The following EYA2 variants were observed in gnomAD, a reference collection of about 807,000 sequenced individuals.
EYA2 encodes protein phosphatase EYA2.
Under a neutral mutation model 69.2 loss-of-function variants are expected in EYA2, and 31 were observed. That is an observed-to-expected ratio of 0.45 (90% CI 0.34 to 0.60). The LOEUF is 0.60. EYA2 is among the 20% of genes least tolerant of loss of function. EYA2 has a pLI of 0.02. For synonymous variants in EYA2, 257 were observed against 279.4 expected, an observed-to-expected ratio of 0.92 and a Z score of 0.80; for missense variants, 622 against 701.2, an observed-to-expected ratio of 0.89 and a Z score of 1.28.
intron 9 of EYA2, among the ~76,000 whole-genome samples, chr20:47,113,219 C>T (rs2032799738): frequency 6.6e-6 from 1 of 152,112 alleles, no homozygotes; most frequent in Non-Finnish European, 1.5e-5. Flanking sequence ...CTAACTTAAC[C>T]ACAAGGAAAT....
intron 1 of EYA2, among the ~76,000 whole-genome samples, chr20:46,937,781 C>A (rs1256181243): frequency 2.0e-5 from 3 of 151,434 alleles, no homozygotes; most frequent in Non-Finnish European, 4.4e-5. Context: ...CTTTTCAAAA[C>A]CAAGAGAAGC....
In EYA2 at chr20:47,038,620, C is replaced by G. The variant is rs77929636; in HGVS notation, c.415+22323C>G. The stretch of plus-strand genomic sequence containing the variant: ...TGTGCACGCACACATACACAATGTT[C>G]ATTGTGATATAAAATTTACCATCTT... On this transcript the variant is annotated intron_variant, in intron 5 of 15. Coordinates refer to ENST00000327619, the MANE Select transcript of EYA2 (RefSeq NM_005244.5). 9.4e-4 allele frequency among the ~76,000 whole-genome samples: 143 copies of G among 152,266 alleles called. 1 individual carries two copies. In the East Asian group the frequency reaches 0.026, roughly 28 times the overall value.
Position 47,001,689 on chromosome 20 carries a change from C to T in EYA2, c.155+216C>T, listed in dbSNP as rs978544088. ...GGGACAGTCATGCTGCCTGCCCCCACGAAACCAGCAAAAGCAGGTAAAACA... is the reference window on the plus strand; with the variant it reads ...GGGACAGTCATGCTGCCTGCCCCCATGAAACCAGCAAAAGCAGGTAAAACA... On this transcript the variant is annotated intron_variant, in intron 3 of 15. Transcript: ENST00000327619. Among the ~76,000 whole-genome samples, 13 of 152,136 alleles carry T rather than the reference C, an allele frequency of 8.5e-5. No individual in the cohort carries two copies. In the East Asian group the frequency reaches 1.5e-3, roughly 18 times the overall value.
intron 14 of EYA2, among the ~76,000 whole-genome samples, chr20:47,182,952 A>G (rs997250072): frequency 6.6e-6 from 1 of 152,174 alleles, no homozygotes; most frequent in Non-Finnish European, 1.5e-5. Flanking sequence ...AAAAGTGTCC[A>G]GCGCAGTGGC....
rs538701666 is a variant in EYA2 at position 47,180,951 on chromosome 20, C to T, written c.1435+15C>T. The T allele has an allele frequency of 1.1e-5, 18 of 1,612,582 alleles. No homozygotes were observed. In the African/African-American group the frequency reaches 1.9e-4, roughly 17 times the overall value. ...AACCAAGACAGGTAGGGAGAAGCCACACCTCGGCGGGGATACAGGGTTGGA... is the reference window on the plus strand; with the variant it reads ...AACCAAGACAGGTAGGGAGAAGCCATACCTCGGCGGGGATACAGGGTTGGA... On this transcript the variant is annotated intron_variant, in intron 14 of 15. Transcript: ENST00000327619.
At chr20:47,102,929 C>A (rs6018275) in intron 9 of EYA2, among the ~76,000 whole-genome samples, 144 of 152,266 alleles carry the variant, frequency 9.5e-4, no homozygotes, top group African/African-American at 3.2e-3. Context: ...TGGTCAAGAG[C>A]CTTTGCCTGT....
intron 5 of EYA2, among the ~76,000 whole-genome samples, chr20:47,016,789 C>T (rs1479755634): frequency 1.3e-5 from 2 of 152,152 alleles, no homozygotes; most frequent in African/African-American, 4.8e-5. Flanking sequence ...GAGCTGAGAC[C>T]AGTGAGACTG....
At chr20:47,160,599 A>G (rs1047818769) in intron 10 of EYA2, among the ~76,000 whole-genome samples, 3 of 152,112 alleles carry the variant, frequency 2.0e-5, no homozygotes, top group Non-Finnish European at 4.4e-5. Flanking sequence ...GATGTCAGAG[A>G]GAGGAGACGG....
chr20:46,907,320 G>C (rs11700026), intron 1 of EYA2, among the ~76,000 whole-genome samples: 3 of 152,100 alleles, frequency 2.0e-5, no homozygotes, highest in African/African-American at 7.2e-5. Context: ...CAAAGAGACC[G>C]GCTTTCCATG....
chr20:47,117,729 G>A, intron 9 of EYA2: 1 of 981,152 alleles, frequency 1.0e-6, no homozygotes, highest in Non-Finnish European at 1.2e-6. Flanking sequence ...CAAATCAAAA[G>A]TGCCCTCTCT....
intron 9 of EYA2, among the ~76,000 whole-genome samples, chr20:47,132,918 G>A (rs2033376933): frequency 6.6e-6 from 1 of 152,166 alleles, no homozygotes. Flanking sequence ...GGCAAAGCTC[G>A]ACCATTGCTA....
chr20:47,115,077 TACTTTC>T (rs2032853039), intron 9 of EYA2, among the ~76,000 whole-genome samples: 1 of 152,212 alleles, frequency 6.6e-6, no homozygotes, highest in Non-Finnish European at 1.5e-5. Context: ...CTCACAAAGA[TACTTTC>T]GGGCATGCCG....
chr20:47,084,246 A>G (rs1388743761), intron 7 of EYA2, among the ~76,000 whole-genome samples: 2 of 151,266 alleles, frequency 1.3e-5, no homozygotes, highest in Non-Finnish European at 3.0e-5. Context: ...ACTTTGTCTC[A>G]AAAAAAAAGG....
At chr20:46,906,348 A>G (rs895287115) in intron 1 of EYA2, among the ~76,000 whole-genome samples, 3 of 152,224 alleles carry the variant, frequency 2.0e-5, no homozygotes, top group Non-Finnish European at 4.4e-5. Flanking sequence ...GCGTACGACA[A>G]ATTCCACCCA....
intron 1 of EYA2, among the ~76,000 whole-genome samples, chr20:46,959,348 TG>T (rs1402641987): frequency 6.6e-6 from 1 of 151,994 alleles, no homozygotes; most frequent in Non-Finnish European, 1.5e-5. Flanking sequence ...TTGTTGGGGG[TG>T]GGGGCTGATG....
chr20:46,915,159 G>A (rs1002052630), intron 1 of EYA2, among the ~76,000 whole-genome samples: 4 of 152,196 alleles, frequency 2.6e-5, no homozygotes, highest in Non-Finnish European at 5.9e-5. Flanking sequence ...GTGGCAGGCA[G>A]AACAGTGTGT....
rs192328832 is a variant in EYA2 at position 47,083,406 on chromosome 20, G to A, written c.662-5833G>A. On this transcript the variant is annotated intron_variant, in intron 7 of 15. Transcript: ENST00000327619. ...AGCCTGGCCAACATGATGAAACCCCGTCTCTACTAAATATACAAAAAAATA... is the reference window on the plus strand; with the variant it reads ...AGCCTGGCCAACATGATGAAACCCCATCTCTACTAAATATACAAAAAAATA... Among the ~76,000 whole-genome samples, 19 of 151,804 alleles carry A rather than the reference G, an allele frequency of 1.3e-4. No homozygotes were observed. The East Asian group carries it at 3.1e-3, about 25-fold the overall frequency.
chr20:47,070,905 G>C (rs887296844), intron 5 of EYA2, among the ~76,000 whole-genome samples: 1 of 152,166 alleles, frequency 6.6e-6, no homozygotes, highest in Non-Finnish European at 1.5e-5. Flanking sequence ...CTGGAGTGCA[G>C]TGGTGAGATT....
intron 1 of EYA2, among the ~76,000 whole-genome samples, chr20:46,947,986 G>T (rs1978564554): frequency 6.6e-6 from 1 of 151,842 alleles, no homozygotes; most frequent in Non-Finnish European, 1.5e-5. Context: ...GCATGGTGGT[G>T]CATGCCTGTA....
Sources: gnomAD v4.1 joint callset for allele counts (sites outside exome capture counted in the v4.1 genomes callset) on GRCh38, gnomAD v4.1.1 for gene constraint, MANE v1.5 for transcripts, NCBI Gene and HGNC (gene_info 2026-07-23, HGNC 2026-07-21) for gene names.